The following NPHP4 variants were observed in gnomAD, a reference collection of about 807,000 sequenced individuals.
NPHP4 encodes nephrocystin 4, also known as nephrocystin-4.
In NPHP4, 151 loss-of-function variants were observed where a neutral mutation model predicts 155.8. The observed-to-expected ratio is 0.97, with a 90% confidence interval of 0.85 to 1.11. The LOEUF (loss-of-function observed/expected upper bound fraction) is 1.11. NPHP4 is among the 50% of genes least tolerant of loss of function. The probability of loss-of-function intolerance (pLI) is 0.00; values close to 1 mark genes in which losing one functional copy is unlikely to be tolerated. For missense variants in NPHP4, 1,956 were observed against 1,925.7 expected (o/e 1.02, Z -0.29); for synonymous variants, 845 against 816.8 (o/e 1.03, Z -0.59).
At chr1:5,977,107 C>T (rs752226681) in intron 3 of NPHP4, among the ~76,000 whole-genome samples, 1 of 152,138 alleles carries the variant, frequency 6.6e-6, no homozygotes, top group Admixed American at 6.5e-5. Context: ...CGTGCTCAGA[C>T]ACCATCCCTC....
chr1:5,952,949 T>G (rs1570610986), intron 6 of NPHP4, 113 bp from the exon 7 acceptor site: 1 of 919,342 alleles, frequency 1.1e-6, no homozygotes, highest in Non-Finnish European at 1.6e-6. Flanking sequence ...CAACGAAGGG[T>G]GCTCGGGACT....
At chr1:5,945,805 C>T (rs551129911) in intron 9 of NPHP4, among the ~76,000 whole-genome samples, 1 of 152,278 alleles carries the variant, frequency 6.6e-6, no homozygotes, top group Admixed American at 6.5e-5. Context: ...CTCAGTCAAC[C>T]TTGGTCTGAA....
intron 17 of NPHP4, among the ~76,000 whole-genome samples, chr1:5,887,950 G>A (rs1054900227): frequency 2.5e-4 from 38 of 152,232 alleles, no homozygotes; most frequent in Admixed American, 1.3e-4. Flanking sequence ...AGAGAAGGCC[G>A]GGGAGGCAGG....
chr1:5,867,416 G>C lies in NPHP4; in HGVS notation c.3473-301C>G, dbSNP rs529802263. The C allele has an allele frequency of 3.6e-6, 2 of 551,596 alleles. No homozygotes were observed. Among genetic ancestry groups the C allele is most frequent in the Admixed American group, 3.2e-5 (1 of 31,082 alleles). 34.2% of individuals were successfully genotyped at this position (551,596 alleles called of 1,614,324 possible). The stretch of plus-strand genomic sequence containing the variant: ...GGAGCAGGGAAGCCTGCACTCTGCT[G>C]TAAGGGGCACCTACCAGAAACACGC... On this transcript the variant is annotated intron_variant, in intron 24 of 29. Coordinates refer to ENST00000378156, the MANE Select transcript of NPHP4 (RefSeq NM_015102.5). This position sits in a 1 kb window ranked among gnomAD's most constrained non-coding sequence, Gnocchi z 4.1.
chr1:5,950,711 G>A (rs1455362729), intron 7 of NPHP4, among the ~76,000 whole-genome samples: 2 of 152,096 alleles, frequency 1.3e-5, no homozygotes, highest in Non-Finnish European at 2.9e-5. Context: ...CCCAACCAAA[G>A]TCATCCTAGA....
intron 3 of NPHP4, among the ~76,000 whole-genome samples, chr1:5,975,963 G>A (rs549602496): frequency 3.6e-4 from 55 of 152,326 alleles, no homozygotes; most frequent in African/African-American, 1.2e-3. Flanking sequence ...AGGAAGGTCC[G>A]AAGCCTCTCT....
Position 5,986,182 on chromosome 1 carries a change from C to T in NPHP4, c.108G>A (p.Lys36=). 6.2e-7 allele frequency: 1 copy of T among 1,613,950 alleles called. No individual in the cohort carries two copies. Among genetic ancestry groups the T allele is most frequent in the Non-Finnish European group, 8.5e-7 (1 of 1,179,894 alleles). Residue 36 remains lysine, a synonymous_variant, in exon 2 of 30, where the codon AAG becomes AAA. Coordinates refer to ENST00000378156, the MANE Select transcript of NPHP4 (RefSeq NM_015102.5). The part of the protein sequence containing the change: ...KESTAFQCVL[K]WLDGPVIRQG... ...GCCTAATTACCGGTCCGTCCAGCCA[C>T]TTGAGGACACACTGGAATGCCGTGG...
At chr1:5,940,692 C>A (rs1358019763) in intron 9 of NPHP4, among the ~76,000 whole-genome samples, 4 of 152,054 alleles carry the variant, frequency 2.6e-5, no homozygotes, top group African/African-American at 7.2e-5. Flanking sequence ...ATCCCATTTA[C>A]AACAGCAGCA....
Position 5,867,747 on chromosome 1 carries a change from T to G in NPHP4, c.3465A>C (p.Thr1155=). 6.2e-7 allele frequency: 1 copy of G among 1,609,842 alleles called. No homozygotes were observed. The highest frequency in any genetic ancestry group is 8.5e-7 in the Non-Finnish European group (1 of 1,179,782). Residue 1155 remains threonine, a synonymous_variant, in exon 24 of 30, where the codon ACA becomes ACC. Coordinates refer to ENST00000378156, the MANE Select transcript of NPHP4 (RefSeq NM_015102.5). The surrounding 1 kb of genome is among the most constrained non-coding windows in gnomAD (Gnocchi z 4.1). ...GGTCAGTGCAGGACCTGCCTGGAAA[T>G]GTGTGCCAGGGCGGCAGGCGGATGG... is the stretch of plus-strand genomic sequence containing the variant. ...KKAIRLPPWH[T]FPGAPVGMLG... is the part of the protein sequence containing the mutation.
In NPHP4 at chr1:5,889,158, G is replaced by A. The variant is rs1028909956; in HGVS notation, c.2305-1692C>T. Among the ~76,000 whole-genome samples the A allele has an allele frequency of 1.3e-5, 2 of 152,004 alleles. No individual in the cohort carries two copies. The highest frequency in any genetic ancestry group is 6.5e-5 in the Admixed American group (1 of 15,270). On this transcript the variant is annotated intron_variant, in intron 17 of 29. Coordinates refer to ENST00000378156, the MANE Select transcript of NPHP4 (RefSeq NM_015102.5). The surrounding 1 kb of genome is among the most constrained non-coding windows in gnomAD (Gnocchi z 4.2). ...CCAGGAAATCAACTAGAAGATGGGG[G>A]TAAAATTGAACTTCAAGAAGTCCAC...
rs1356995065 is a variant in NPHP4 at position 5,944,076 on chromosome 1, T to C, written c.1119+3028A>G. Among the ~76,000 whole-genome samples, 1 of 151,910 alleles carries C rather than the reference T, an allele frequency of 6.6e-6. No individual in the cohort carries two copies. ...ATGTTCATGCCAAAAGGTTTACAGA[T>C]GAAATAAAATGATGCCTGGAATTTG... On this transcript the variant is annotated intron_variant, in intron 9 of 29. Transcript: ENST00000378156. The surrounding 1 kb of genome is among the most constrained non-coding windows in gnomAD (Gnocchi z 4.3).
intron 23 of NPHP4, 132 bp from the exon 24 acceptor site, chr1:5,868,028 G>A (rs1308165276): frequency 3.0e-6 from 3 of 998,448 alleles, no homozygotes; most frequent in Non-Finnish European, 4.7e-6. Flanking sequence ...GAGCGGGGAA[G>A]GTCGGGCATC....
At position 5,978,338 on chromosome 1, in the gene NPHP4, A is replaced by G; in HGVS notation, c.211T>C (p.Phe71Leu). ...SFFDVTYRHF[F>L]GRTWKTTVKP... is the part of the protein sequence containing the mutation. ...ACTGTGGTTTTCCACGTCCTCCCAA[A>G]GAAGTGCCGGTAGGTGACATCAAAG... The change falls in exon 3 of 30, where the codon TTT (phenylalanine) becomes CTT (leucine). Residue 71 changes from phenylalanine to leucine, a missense_variant. By Grantham distance (22) the Phe-to-Leu change is conservative. Coordinates refer to ENST00000378156, the MANE Select transcript of NPHP4 (RefSeq NM_015102.5). 1 of 1,610,124 alleles carries G rather than the reference A, an allele frequency of 6.2e-7. No individual in the cohort carries two copies. Among genetic ancestry groups the G allele is most frequent in the African/African-American group, 1.3e-5 (1 of 74,936 alleles).
Position 5,991,221 on chromosome 1 carries a change from A to G in NPHP4, c.-39+1023T>C, listed in dbSNP as rs190014245. 5.3e-5 allele frequency among the ~76,000 whole-genome samples: 8 copies of G among 152,282 alleles called. No individual in the cohort carries two copies. The South Asian group carries it at 8.3e-4, about 16-fold the overall frequency. On this transcript the variant is annotated intron_variant, in intron 1 of 29. Transcript: ENST00000378156. ...TTCCCTCATTCATGAGCATTCTTTCAGCACCTACCCTGCGCCCGGGAGAAA... is the reference window on the plus strand; with the variant it reads ...TTCCCTCATTCATGAGCATTCTTTCGGCACCTACCCTGCGCCCGGGAGAAA...
At chr1:5,947,883 A>AG (rs942084130) in intron 8 of NPHP4, among the ~76,000 whole-genome samples, 187 bp downstream of exon 8, 23 of 148,938 alleles carry the variant, frequency 1.5e-4, no homozygotes, top group South Asian at 4.2e-4. Flanking sequence ...GGAAAAAAAA[A>AG]GGGGGGGGCT....
chr1:5,880,199 CA>C lies in NPHP4; in HGVS notation c.2525del (p.Leu842CysfsTer51), dbSNP rs1369984814. The C allele has an allele frequency of 3.7e-6, 6 of 1,613,642 alleles. No homozygotes were observed. Among genetic ancestry groups the C allele is most frequent in the Non-Finnish European group, 5.1e-6 (6 of 1,179,728 alleles). ...CEQKVRGCST[L>X]PPSRSRVISN... Reference sequence around the variant, plus strand: ...AGATGACCCGAGATCTGGACGGTGGCAATGTGCTACAACCTCTCACTTTCTG... The same window carrying C: ...AGATGACCCGAGATCTGGACGGTGGCATGTGCTACAACCTCTCACTTTCTG... On this transcript the variant is annotated frameshift_variant, in exon 19 of 30. Transcript: ENST00000378156. LOFTEE classifies it high-confidence loss of function.
chr1:5,904,703 AC>A lies in NPHP4; in HGVS notation c.2056del (p.Val686SerfsTer14), dbSNP rs773817738. 2 of 1,614,026 alleles carry A rather than the reference AC, an allele frequency of 1.2e-6. No homozygotes were observed. The highest frequency in any genetic ancestry group is 1.7e-6 in the Non-Finnish European group (2 of 1,179,890). On this transcript the variant is annotated frameshift_variant, in exon 16 of 30. Transcript: ENST00000378156. LOFTEE classifies it high-confidence loss of function. ...PPATTPRLQL[V>X]QLDEAGQPSS... is the part of the protein sequence containing the mutation. ...GGGCTGGCCGGCCTCATCCAGCTGG[AC>A]CAGCTGCAGTCGTGGCGTCGTTGCG...
At chr1:5,985,443 A>C (rs1655331940) in intron 2 of NPHP4, among the ~76,000 whole-genome samples, 1 of 152,238 alleles carries the variant, frequency 6.6e-6, no homozygotes, top group Non-Finnish European at 1.5e-5. Context: ...AGTGTGCCCA[A>C]GGCCGTGGTA....
At chr1:5,921,906 G>T (rs1024707927) in intron 11 of NPHP4, among the ~76,000 whole-genome samples, 1 of 152,182 alleles carries the variant, frequency 6.6e-6, no homozygotes, top group Non-Finnish European at 1.5e-5. Flanking sequence ...TACTCCTTGC[G>T]GTAAGCGGAG....
Sources: allele counts gnomAD v4.1 joint callset (sites outside exome capture counted in the v4.1 genomes callset), GRCh38; gene constraint gnomAD v4.1.1; non-coding constraint Gnocchi (gnomAD v3.1); transcripts MANE v1.5; gene names NCBI Gene and HGNC (gene_info 2026-07-23, HGNC 2026-07-21).